Variants in CTNNA2 observed in about 807,000 individuals in gnomAD.
CTNNA2 encodes catenin alpha 2, also known as catenin alpha-2.
A neutral mutation model predicts 101.0 loss-of-function variants in CTNNA2; 42 were observed. The ratio of observed to expected loss-of-function variants is 0.42; its 90% CI spans 0.32 to 0.54. CTNNA2 has a LOEUF of 0.54. Ranked by LOEUF, CTNNA2 falls within the 20% of genes least tolerant of loss-of-function variation. The pLI, the probability that CTNNA2 is intolerant of heterozygous loss-of-function variation, is 0.14. For missense variants in CTNNA2, 871 were observed against 1,223.1 expected, an observed-to-expected ratio of 0.71 and a Z score of 4.29; for synonymous variants, 450 against 456.4, an observed-to-expected ratio of 0.99 and a Z score of 0.18.
At chr2:79,313,882 A>G (rs1346147671) in intron 3 of CTNNA2, among the ~76,000 whole-genome samples, 2 of 151,820 alleles carry the variant, frequency 1.3e-5, no homozygotes, top group African/African-American at 4.8e-5. Context: ...TTGGAAAGGA[A>G]CTCTCCTCAT....
chr2:79,221,754 T>C (rs1674348274), intron 2 of CTNNA2, among the ~76,000 whole-genome samples: 1 of 152,166 alleles, frequency 6.6e-6, no homozygotes, highest in South Asian at 2.1e-4. Flanking sequence ...TTTGTATCTA[T>C]ATGGCTTATA....
At chr2:79,702,821 C>T (rs1685102001) in intron 2 of CTNNA2, among the ~76,000 whole-genome samples, 2 of 152,132 alleles carry the variant, frequency 1.3e-5, no homozygotes, top group Admixed American at 1.3e-4. Context: ...CTAGGATTCA[C>T]TATTATCCAT....
intron 6 of CTNNA2, among the ~76,000 whole-genome samples, chr2:79,888,626 A>AT (rs973345114): frequency 6.6e-6 from 1 of 152,064 alleles, no homozygotes; most frequent in Non-Finnish European, 1.5e-5. Flanking sequence ...TTATATCTTG[A>AT]TTTTTTGGCC....
intron 7 of CTNNA2, among the ~76,000 whole-genome samples, chr2:80,314,786 C>T (rs192212333): frequency 2.2e-4 from 34 of 152,338 alleles, no homozygotes; most frequent in Admixed American, 1.9e-3. Context: ...TATTCCTTTG[C>T]GGATAGACCT....
At chr2:79,815,383 T>G (rs775210499) in intron 3 of CTNNA2, among the ~76,000 whole-genome samples, 4 of 152,180 alleles carry the variant, frequency 2.6e-5, no homozygotes, top group African/African-American at 4.8e-5. Flanking sequence ...ATGTTATCAT[T>G]GAGAATTTTT....
At chr2:80,048,189 G>T (rs903851238) in intron 7 of CTNNA2, among the ~76,000 whole-genome samples, 3 of 152,096 alleles carry the variant, frequency 2.0e-5, no homozygotes, top group Non-Finnish European at 4.4e-5. Flanking sequence ...AACAACAAAT[G>T]ATTTTTAGTA....
intron 4 of CTNNA2, among the ~76,000 whole-genome samples, chr2:79,415,628 A>C (rs547535436): frequency 6.6e-6 from 1 of 152,216 alleles, no homozygotes; most frequent in South Asian, 2.1e-4. Flanking sequence ...AAGGAATACT[A>C]TGTGGGAAAA....
intron 2 of CTNNA2, among the ~76,000 whole-genome samples, chr2:79,311,462 T>C (rs1306757788): frequency 6.6e-6 from 1 of 150,794 alleles, no homozygotes; most frequent in Non-Finnish European, 1.5e-5. Context: ...TTCTAAGGAC[T>C]TGTTTGGTGC....
At chr2:80,090,191 TG>T (rs1642443317) in intron 7 of CTNNA2, among the ~76,000 whole-genome samples, 1 of 119,552 alleles carries the variant, frequency 8.4e-6, no homozygotes, top group Non-Finnish European at 2.0e-5. Flanking sequence ...TGTGTGTGTT[TG>T]TGTGTATGCA....
intron 18 of CTNNA2, among the ~76,000 whole-genome samples, chr2:80,642,767 TTATTACGA>T (rs1474465968): frequency 6.6e-6 from 1 of 152,216 alleles, no homozygotes; most frequent in Non-Finnish European, 1.5e-5. Flanking sequence ...TTTCAAATAC[TTATTACGA>T]TGTTCTTCAG....
chr2:80,543,834 A>C (rs1691793687), intron 9 of CTNNA2, among the ~76,000 whole-genome samples: 1 of 152,184 alleles, frequency 6.6e-6, no homozygotes, highest in Admixed American at 6.5e-5. Context: ...TAAGCAGGAT[A>C]CCAAAAAGGC....
intron 3 of CTNNA2, among the ~76,000 whole-genome samples, chr2:79,336,511 G>A (rs903126154): frequency 3.3e-5 from 5 of 152,192 alleles, no homozygotes; most frequent in African/African-American, 1.2e-4. Flanking sequence ...CACTCAGATG[G>A]AGAGGTTCTG....
At chr2:79,728,484 C>G (rs1364202047) in intron 2 of CTNNA2, among the ~76,000 whole-genome samples, 3 of 152,134 alleles carry the variant, frequency 2.0e-5, no homozygotes, top group African/African-American at 7.2e-5. Context: ...AGCCCTTTGT[C>G]AGATGAGTAG....
At chr2:79,209,928 G>A (rs1479877498) in intron 2 of CTNNA2, among the ~76,000 whole-genome samples, 1 of 151,888 alleles carries the variant, frequency 6.6e-6, no homozygotes, top group Non-Finnish European at 1.5e-5. Flanking sequence ...TCTCTCTTTT[G>A]CCTGATCAAC....
chr2:79,949,780 GA>G (rs545668705), intron 7 of CTNNA2, among the ~76,000 whole-genome samples: 2 of 150,290 alleles, frequency 1.3e-5, no homozygotes, highest in Middle Eastern at 3.5e-3. Context: ...CCTGTCTTAA[GA>G]AAAAAAAACA....
At chr2:80,430,919 G>A (rs1681438098) in intron 9 of CTNNA2, among the ~76,000 whole-genome samples, 1 of 152,046 alleles carries the variant, frequency 6.6e-6, no homozygotes. Flanking sequence ...TATATATTAT[G>A]CAGCTACCTC....
At chr2:80,427,893 C>G (rs997810982) in intron 9 of CTNNA2, among the ~76,000 whole-genome samples, 3 of 152,190 alleles carry the variant, frequency 2.0e-5, no homozygotes, top group African/African-American at 7.2e-5. Context: ...AGTTCCTGCT[C>G]TCATGGGACA....
At chr2:80,074,844 T>C (rs1698572571) in intron 7 of CTNNA2, among the ~76,000 whole-genome samples, 1 of 152,216 alleles carries the variant, frequency 6.6e-6, no homozygotes, top group South Asian at 2.1e-4. Context: ...TTACTAAGCC[T>C]TACAAATATC....
At chr2:79,256,246 A>G (rs552335852) in intron 2 of CTNNA2, among the ~76,000 whole-genome samples, 34 of 152,254 alleles carry the variant, frequency 2.2e-4, no homozygotes, top group African/African-American at 7.9e-4. Flanking sequence ...CAGATCATCA[A>G]TTCCCTGAGA....
Sources: allele counts gnomAD v4.1 joint callset (sites outside exome capture counted in the v4.1 genomes callset), GRCh38; gene constraint gnomAD v4.1.1; transcripts MANE v1.5; gene names NCBI Gene and HGNC (gene_info 2026-07-23, HGNC 2026-07-21).